The following ZNF215 variants were observed in gnomAD, a reference collection of about 807,000 sequenced individuals.
The protein encoded by ZNF215 is BWSCR2-associated zinc finger protein 2.
In ZNF215, 24 loss-of-function variants were observed where a neutral mutation model predicts 27.2. That is an observed-to-expected ratio of 0.88 (90% CI 0.64 to 1.24). ZNF215 has a LOEUF of 1.24. Ranked by LOEUF, ZNF215 falls within the 50% of genes most tolerant of loss-of-function variation. The probability of loss-of-function intolerance (pLI) is 0.00; values close to 1 mark genes in which losing one functional copy is unlikely to be tolerated. For synonymous variants in ZNF215, 210 were observed against 204.0 expected, an observed-to-expected ratio of 1.03 and a Z score of -0.25; for missense variants, 675 against 605.7, an observed-to-expected ratio of 1.11 and a Z score of -1.20.
chr11:6,969,890 C>T (rs542127604), intron 5 of ZNF215, among the ~76,000 whole-genome samples: 20 of 152,288 alleles, frequency 1.3e-4, no homozygotes, highest in African/African-American at 4.6e-4. Context: ...AAGCAATTCT[C>T]CTGCCTCAGC....
chr11:6,939,821 A>G lies in ZNF215; in HGVS notation c.401-1750A>G, dbSNP rs551103512. ...GGAGAGATTTGCACCTTTCCAAGAT[A>G]CCTCAGGTATTTCCAAGAATGTCAA... is the stretch of plus-strand genomic sequence containing the variant. On this transcript the variant is annotated intron_variant, in intron 3 of 6. Transcript: ENST00000278319. Among the ~76,000 whole-genome samples the G allele has an allele frequency of 2.0e-5, 3 of 152,308 alleles. No individual in the cohort carries two copies. In the East Asian group the frequency reaches 5.8e-4, roughly 29 times the overall value.
At chr11:6,945,852 A>G (rs536804546) in intron 6 of ZNF215, among the ~76,000 whole-genome samples, 1 of 152,132 alleles carries the variant, frequency 6.6e-6, no homozygotes, top group Admixed American at 6.6e-5. Context: ...CATATATAGG[A>G]TTTACAGATG....
downstream of ZNF215, among the ~76,000 whole-genome samples, chr11:6,992,229 G>A (rs1379252350): frequency 6.6e-6 from 1 of 152,164 alleles, no homozygotes; most frequent in Non-Finnish European, 1.5e-5. Context: ...CTGGCAAGAC[G>A]AGCAGAACCA....
intron 5 of ZNF215, among the ~76,000 whole-genome samples, chr11:6,972,646 C>G (rs567591175): frequency 6.6e-6 from 1 of 151,974 alleles, no homozygotes; most frequent in South Asian, 2.1e-4. Context: ...TCATAAATAC[C>G]AAAACTCTTA....
chr11:6,962,551 A>G (rs1027983710), downstream of ZNF215, among the ~76,000 whole-genome samples: 3 of 152,098 alleles, frequency 2.0e-5, no homozygotes, highest in Non-Finnish European at 4.4e-5. Context: ...TCTGTACTCT[A>G]TTATGTTATC....
downstream of ZNF215, chr11:6,958,097 C>T (rs953351623): frequency 1.0e-6 from 1 of 975,774 alleles, no homozygotes; most frequent in Non-Finnish European, 1.2e-6. Context: ...GGACAAAGCC[C>T]TACATAAGTA....
chr11:6,966,043 G>T (rs1850612239), intron 5 of ZNF215, among the ~76,000 whole-genome samples: 2 of 152,106 alleles, frequency 1.3e-5, no homozygotes, highest in South Asian at 4.1e-4. Flanking sequence ...TAGGCTTTGA[G>T]CTTCCTTTGT....
intron 6 of ZNF215, among the ~76,000 whole-genome samples, chr11:6,954,821 C>T (rs1235379019): frequency 1.3e-5 from 2 of 152,324 alleles, no homozygotes; most frequent in East Asian, 3.9e-4. Context: ...CACCCGTCTT[C>T]TGCGTCACTC....
rs1452804477 is a variant in ZNF215 at position 6,982,710 on chromosome 11, G to A, written c.806-1419G>A. 5.9e-5 allele frequency among the ~76,000 whole-genome samples: 9 copies of A among 151,862 alleles called. No individual in the cohort carries two copies. The South Asian group carries it at 6.2e-4, about 11-fold the overall frequency. On this transcript the variant is annotated intron_variant, in intron 5 of 5. Coordinates refer to the ZNF215 transcript ENST00000529903. The stretch of plus-strand genomic sequence containing the variant: ...AATAAAGATGTTCTTTGAAACCAAC[G>A]AGAACAAAGACACAACATACCAGAA...
At chr11:6,959,685 A>G (rs1827383593), downstream of ZNF215, among the ~76,000 whole-genome samples, 1 of 152,166 alleles carries the variant, frequency 6.6e-6, no homozygotes, top group Non-Finnish European at 1.5e-5. Flanking sequence ...CACACATTAA[A>G]CTACAAATGA....
downstream of ZNF215, among the ~76,000 whole-genome samples, chr11:6,990,274 GC>G (rs1453388369): frequency 2.0e-5 from 3 of 152,120 alleles, no homozygotes; most frequent in African/African-American, 7.2e-5. Context: ...CTGTACCTCA[GC>G]CCCACTCAAG....
At chr11:6,959,939 A>G (rs1850480469), downstream of ZNF215, among the ~76,000 whole-genome samples, 1 of 152,270 alleles carries the variant, frequency 6.6e-6, no homozygotes, top group Admixed American at 6.5e-5. Context: ...AGTGGAAACT[A>G]TTCAATATTT....
In ZNF215 at chr11:6,956,110, C is replaced by A. The variant is rs1418711447; in HGVS notation, c.1133C>A (p.Ser378Tyr). Residue 378 changes from serine to tyrosine, a missense_variant, in exon 7 of 7, where the codon TCC (serine) becomes TAC (tyrosine). Ser to Tyr is a moderately radical substitution (Grantham distance 144, BLOSUM62 -2). Coordinates refer to ENST00000278319, the MANE Select transcript of ZNF215 (RefSeq NM_013250.4). ...CAAAAAAGTCATACTACAATGAATT[C>A]CTATGAATGTTATCAATGTGGGAAA... ...RHQKSHTTMN[S>Y]YECYQCGKAF... 1 of 1,613,536 alleles carries A rather than the reference C, an allele frequency of 6.2e-7. No individual in the cohort carries two copies. The highest frequency in any genetic ancestry group is 1.7e-4 in the Middle Eastern group (1 of 6,058).
At chr11:6,951,887 C>T (rs1432000111) in intron 6 of ZNF215, among the ~76,000 whole-genome samples, 1 of 152,040 alleles carries the variant, frequency 6.6e-6, no homozygotes, top group African/African-American at 2.4e-5. Context: ...ATAAATTTCC[C>T]TCTACACACT....
downstream of ZNF215, among the ~76,000 whole-genome samples, chr11:6,960,884 C>T (rs1850502875): frequency 6.6e-6 from 1 of 152,012 alleles, no homozygotes; most frequent in Admixed American, 6.6e-5. Flanking sequence ...AAACTGATTC[C>T]AATATTCTAT....
chr11:6,989,111 G>T (rs1261425259), downstream of ZNF215, among the ~76,000 whole-genome samples: 1 of 134,562 alleles, frequency 7.4e-6, no homozygotes. Context: ...AGCCCAGATC[G>T]TGCCAATGCA....
chr11:6,972,955 G>T (rs140474366), intron 5 of ZNF215, among the ~76,000 whole-genome samples: 2 of 151,820 alleles, frequency 1.3e-5, no homozygotes, highest in Admixed American at 1.3e-4. Flanking sequence ...TGTGCAAAAC[G>T]TGCAGGTTTG....
intron 6 of ZNF215, among the ~76,000 whole-genome samples, chr11:6,954,328 C>G (rs966012003): frequency 6.6e-5 from 10 of 152,364 alleles, no homozygotes; most frequent in African/African-American, 2.4e-4. Flanking sequence ...TGTCTGTGCC[C>G]TGCCCCCAGA....
chr11:6,954,565 G>A (rs988248814), intron 6 of ZNF215, among the ~76,000 whole-genome samples: 3 of 152,204 alleles, frequency 2.0e-5, no homozygotes, highest in South Asian at 4.1e-4. Flanking sequence ...CTCCTGGTGC[G>A]CCATTTTTTA....
Sources: allele counts gnomAD v4.1 joint callset (sites outside exome capture counted in the v4.1 genomes callset), GRCh38; gene constraint gnomAD v4.1.1; transcripts MANE v1.5; gene names NCBI Gene and HGNC (gene_info 2026-07-23, HGNC 2026-07-21).